SNX29: variants seen among roughly 807,000 people sequenced by gnomAD.
The protein encoded by SNX29 is sorting nexin-29.
SNX29 carries 78 observed loss-of-function variants against 102.1 expected under a neutral mutation model. The ratio of observed to expected loss-of-function variants is 0.76; its 90% CI spans 0.64 to 0.92. The LOEUF is 0.92. SNX29 is among the 40% of genes least tolerant of loss of function. The pLI is 0.00. For synonymous variants in SNX29, 580 were observed against 414.5 expected (o/e 1.40, Z -4.85); for missense variants, 1,280 against 1,061.7 (o/e 1.21, Z -2.86).
intron 13 of SNX29, among the ~76,000 whole-genome samples, chr16:12,189,387 A>G (rs538163233): frequency 6.6e-6 from 1 of 152,214 alleles, no homozygotes; most frequent in South Asian, 2.1e-4. Context: ...CATGACCTTG[A>G]CGTTTTTGAA....
chr16:12,548,161 CCA>C (rs1196056747), intron 20 of SNX29, among the ~76,000 whole-genome samples: 1 of 152,194 alleles, frequency 6.6e-6, no homozygotes, highest in African/African-American at 2.4e-5. Context: ...TTCATCTTGG[CCA>C]CACACATTTG....
chr16:12,483,312 T>A (rs60992205), intron 19 of SNX29, among the ~76,000 whole-genome samples: 19,134 of 135,408 alleles, frequency 0.14, 1,773 homozygotes, highest in African/African-American at 0.27. Flanking sequence ...CCTGGCCATT[T>A]ACTTTTCTTT....
In SNX29 at chr16:12,046,384, C is replaced by T. The variant is rs774711314; in HGVS notation, c.429C>T (p.Ser143=). Residue 143 remains serine (S), a splice_region_variant and synonymous_variant, in exon 6 of 21, where the codon AGC becomes AGT. Coordinates refer to ENST00000566228, the MANE Select transcript of SNX29 (RefSeq NM_032167.5). ...HMLLADRCRL[S]TFYEDWSFVM... ...TTTCCTTTTCTCTTTCAATCTGCAG[C>T]ACTTTTTATGAAGACTGGTCTTTTG... 7.4e-6 allele frequency: 12 copies of T among 1,613,502 alleles called. No individual in the cohort carries two copies. The South Asian group carries it at 7.7e-5, about 10-fold the overall frequency.
chr16:12,055,750 A>G (rs989454883), intron 8 of SNX29, among the ~76,000 whole-genome samples: 4 of 152,198 alleles, frequency 2.6e-5, no homozygotes, highest in Non-Finnish European at 5.9e-5. Context: ...ATGCAGCGTA[A>G]TCTGGTTCAC....
intron 20 of SNX29, among the ~76,000 whole-genome samples, chr16:12,556,809 G>T (rs917916483): frequency 6.6e-6 from 1 of 152,126 alleles, no homozygotes; most frequent in Non-Finnish European, 1.5e-5. Flanking sequence ...CTTTACTAAA[G>T]TACAGAAGCC....
intron 13 of SNX29, among the ~76,000 whole-genome samples, chr16:12,183,910 A>G (rs1443687166): frequency 6.6e-6 from 1 of 152,182 alleles, no homozygotes; most frequent in East Asian, 1.9e-4. Context: ...CAGTTTACAA[A>G]TGCCATGGCA....
At chr16:12,308,482 C>T (rs1415885889) in intron 15 of SNX29, among the ~76,000 whole-genome samples, 1 of 152,172 alleles carries the variant, frequency 6.6e-6, no homozygotes, top group Non-Finnish European at 1.5e-5. Context: ...TCTGCAGATA[C>T]TGTCATTAAT....
intron 13 of SNX29, among the ~76,000 whole-genome samples, chr16:12,179,369 T>C (rs1351156586): frequency 6.6e-6 from 1 of 152,130 alleles, no homozygotes; most frequent in Non-Finnish European, 1.5e-5. Flanking sequence ...CCTGTAGGCC[T>C]AGCTACTCGG....
intron 5 of SNX29, among the ~76,000 whole-genome samples, chr16:12,043,908 A>G (rs2151185243): frequency 1.3e-5 from 2 of 152,104 alleles, no homozygotes; most frequent in East Asian, 3.9e-4. Flanking sequence ...CTGTGCCACC[A>G]TACTCAGCTA....
chr16:12,389,139 G>T (rs552311053), intron 16 of SNX29, among the ~76,000 whole-genome samples: 1 of 152,164 alleles, frequency 6.6e-6, no homozygotes, highest in Non-Finnish European at 1.5e-5. Flanking sequence ...ACACTAGCGC[G>T]AGCCAGTTCA....
chr16:12,561,998 C>A (rs576050156), intron 20 of SNX29, among the ~76,000 whole-genome samples: 1 of 152,130 alleles, frequency 6.6e-6, no homozygotes, highest in Admixed American at 6.5e-5. Context: ...TGACAATGGA[C>A]CCTGCAACCC....
At position 12,486,474 on chromosome 16, in the gene SNX29, G is replaced by T. The variant is rs548483999; in HGVS notation, c.2178+8615G>T. ...CCTGGGTAGACAACTCTTACTGTTA[G>T]CCCACTTTACAAATGGGGCAGCAGA... On this transcript the variant is annotated intron_variant, in intron 19 of 20. Coordinates refer to ENST00000566228, the MANE Select transcript of SNX29 (RefSeq NM_032167.5). 2.6e-5 allele frequency among the ~76,000 whole-genome samples: 4 copies of T among 152,292 alleles called. 1 individual carries two copies. In the South Asian group the frequency reaches 6.2e-4, roughly 24 times the overall value.
chr16:12,375,150 G>C (rs2082826822), intron 16 of SNX29: 1 of 152,146 alleles, frequency 6.6e-6, no homozygotes. Context: ...TGATGCACCG[G>C]GGTTTGGGGA....
chr16:12,497,513 T>TA (rs1483855619), intron 19 of SNX29, among the ~76,000 whole-genome samples: 2 of 152,190 alleles, frequency 1.3e-5, no homozygotes, highest in Non-Finnish European at 2.9e-5. Flanking sequence ...CAAGATCATG[T>TA]ATTGGCTTGT....
At position 12,043,650 on chromosome 16, in the gene SNX29, C is replaced by T. The variant is rs145411389; in HGVS notation, c.428+573C>T. Among the ~76,000 whole-genome samples the T allele has an allele frequency of 3.7e-4, 56 of 152,086 alleles. 1 individual carries two copies. The East Asian group carries it at 8.9e-3, about 24-fold the overall frequency. On this transcript the variant is annotated intron_variant, in intron 5 of 20. Coordinates refer to ENST00000566228, the MANE Select transcript of SNX29 (RefSeq NM_032167.5). The stretch of plus-strand genomic sequence containing the variant: ...GGGATTACAGGTATGAGCTACCATG[C>T]CAGGTGCAGAATTTTAATTTGGGAT...
chr16:12,085,868 C>G (rs370306818), intron 11 of SNX29, among the ~76,000 whole-genome samples: 1 of 152,156 alleles, frequency 6.6e-6, no homozygotes, highest in Non-Finnish European at 1.5e-5. Context: ...AGGGTAAGTA[C>G]CTGCCCAAGG....
chr16:12,546,182 G>C (rs114761378), intron 20 of SNX29: 6 of 152,216 alleles, frequency 3.9e-5, no homozygotes, highest in African/African-American at 1.4e-4. Context: ...CACTGGTGCA[G>C]GGAATGTAAA....
intron 9 of SNX29, among the ~76,000 whole-genome samples, chr16:12,065,404 A>G (rs537300450): frequency 1.3e-5 from 2 of 152,330 alleles, no homozygotes; most frequent in East Asian, 3.9e-4. Flanking sequence ...AGGTGATATG[A>G]CTGCTCATCC....
In SNX29 at chr16:12,196,622, CTTTTTT is replaced by C. The variant is rs34779383; in HGVS notation, c.1596-2968_1596-2963del. 5.5e-4 allele frequency among the ~76,000 whole-genome samples: 71 copies of C among 129,662 alleles called. 1 individual carries two copies. Among genetic ancestry groups the C allele is most frequent in the South Asian group, 3.9e-3 (16 of 4,082 alleles). The allele number at this position is 129,662 out of a possible 152,430, so 85.1% of individuals were successfully genotyped here. A position where few individuals can be genotyped will look rare whatever the true frequency, so the allele number is the denominator to read the frequency against. ...TTTTTACTTTTCTTTTTTCTTTTTT[CTTTTTT>C]TTTTTTTTTTGGAGACGGAGTCTCA... On this transcript the variant is annotated intron_variant, in intron 13 of 20. Transcript: ENST00000566228.
Sources: gnomAD v4.1 joint callset for allele counts (sites outside exome capture counted in the v4.1 genomes callset) on GRCh38, gnomAD v4.1.1 for gene constraint, MANE v1.5 for transcripts, NCBI Gene and HGNC (gene_info 2026-07-23, HGNC 2026-07-21) for gene names.